The following NCOA1 variants were observed in gnomAD, a reference collection of about 807,000 sequenced individuals.
NCOA1 encodes Hin-2 protein.
Under a neutral mutation model 150.9 loss-of-function variants are expected in NCOA1, and 35 were observed. The ratio of observed to expected loss-of-function variants is 0.23; its 90% CI spans 0.18 to 0.31. The LOEUF (loss-of-function observed/expected upper bound fraction) is 0.31, where lower values mean the gene tolerates loss of function less well. Ranked by LOEUF, NCOA1 falls within the 10% of genes least tolerant of loss-of-function variation. The probability of loss-of-function intolerance (pLI) is 1.00; values close to 1 mark genes in which losing one functional copy is unlikely to be tolerated. For synonymous variants in NCOA1, 590 were observed against 630.0 expected, an observed-to-expected ratio of 0.94 and a Z score of 0.95; for missense variants, 1,491 against 1,749.3, an observed-to-expected ratio of 0.85 and a Z score of 2.63.
chr2:24,602,229 C>G (rs576838256), intron 3 of NCOA1, among the ~76,000 whole-genome samples: 42 of 152,210 alleles, frequency 2.8e-4, no homozygotes, highest in Non-Finnish European at 4.4e-5. Context: ...AAGGCAGGGT[C>G]TCAGTTTGTC....
intron 1 of NCOA1, among the ~76,000 whole-genome samples, chr2:24,548,393 A>G (rs1013816932): frequency 1.3e-5 from 2 of 152,240 alleles, no homozygotes; most frequent in African/African-American, 4.8e-5. Flanking sequence ...CTTTCCCACA[A>G]CGTGGGAATT....
chr2:24,519,652 C>CAAAAAAAAAAAAA (rs1014874055), intron 1 of NCOA1, among the ~76,000 whole-genome samples: 1 of 72,308 alleles, frequency 1.4e-5, no homozygotes, highest in Non-Finnish European at 2.7e-5. Context: ...CCTGTCTCTA[C>CAAAAAAAAAAAAA]AAAAAAAAAA....
intron 21 of NCOA1, 50 bp from the exon 22 acceptor site, chr2:24,762,637 T>C: frequency 6.5e-7 from 1 of 1,535,686 alleles, no homozygotes; most frequent in Non-Finnish European, 9.0e-7. Flanking sequence ...AATTTGGTTT[T>C]CAGTTTAAAC....
chr2:24,706,889 T>C lies in NCOA1; in HGVS notation c.1419T>C (p.Asn473=), dbSNP rs199675376. 2.1e-5 allele frequency: 34 copies of C among 1,614,138 alleles called. No individual in the cohort carries two copies. In the Admixed American group the frequency reaches 3.0e-4, roughly 14 times the overall value. Residue 473 remains asparagine (N), a synonymous_variant, in exon 13 of 23, where the codon AAT becomes AAC. Coordinates refer to ENST00000348332, the MANE Select transcript of NCOA1 (RefSeq NM_003743.5). ...GTAATCCCTCTTTAAACCTCAATAATTCTCCTATGGAAGGTACAGGAATAT... is the reference window on the plus strand; with the variant it reads ...GTAATCCCTCTTTAAACCTCAATAACTCTCCTATGGAAGGTACAGGAATAT... The part of the protein sequence containing the change: ...QSSNPSLNLN[N]SPMEGTGISL...
Position 24,768,322 on chromosome 2 carries a change from G to GC in NCOA1, c.4260dup (p.Thr1421HisfsTer21), listed in dbSNP as rs1197432225. On this transcript the variant is annotated frameshift_variant, in exon 23 of 23. Transcript: ENST00000348332. LOFTEE classifies it high-confidence loss of function. ...AGCCTGGTCCACTGGGAACTCAAAA[G>GC]CCCACGTCAGGACCACAGACCCCCC... 1 of 1,613,854 alleles carries GC rather than the reference G, an allele frequency of 6.2e-7. No homozygotes were observed. Among genetic ancestry groups the GC allele is most frequent in the Non-Finnish European group, 8.5e-7 (1 of 1,179,960 alleles).
chr2:24,642,377 C>T (rs1220122705), intron 3 of NCOA1, among the ~76,000 whole-genome samples: 1 of 150,742 alleles, frequency 6.6e-6, no homozygotes, highest in Admixed American at 6.6e-5. Context: ...GCTACTTTCA[C>T]ATCTTTGTTA....
At chr2:24,697,919 GT>G in intron 11 of NCOA1, 121 bp downstream of exon 11, 2 of 1,141,550 alleles carry the variant, frequency 1.8e-6, no homozygotes, top group Non-Finnish European at 2.4e-6. Context: ...GCAATAATCA[GT>G]TTTAGGAAAG....
At chr2:24,757,852 G>A in intron 20 of NCOA1, 121 bp from the exon 21 acceptor site, 2 of 812,574 alleles carry the variant, frequency 2.5e-6, no homozygotes, top group South Asian at 2.0e-5. Context: ...TATATTTTAA[G>A]AAGTTACAGT....
intron 14 of NCOA1, among the ~76,000 whole-genome samples, chr2:24,718,520 A>C (rs536426551): frequency 3.4e-4 from 52 of 152,122 alleles, no homozygotes; most frequent in Non-Finnish European, 7.6e-4. Flanking sequence ...ACAAATATCC[A>C]TACAGTTTTA....
At chr2:24,550,996 G>A (rs1348500038) in intron 1 of NCOA1, among the ~76,000 whole-genome samples, 1 of 151,928 alleles carries the variant, frequency 6.6e-6, no homozygotes, top group Admixed American at 6.6e-5. Context: ...TTGGGAGGCT[G>A]AGGAAGGAGA....
intron 3 of NCOA1, among the ~76,000 whole-genome samples, chr2:24,596,011 T>G (rs1172054020): frequency 6.6e-6 from 1 of 152,170 alleles, no homozygotes; most frequent in Non-Finnish European, 1.5e-5. Context: ...TCATGAGATT[T>G]CAGACTATAA....
intron 3 of NCOA1, 62 bp downstream of exon 3, chr2:24,584,622 T>C (rs1667324869): frequency 6.6e-6 from 1 of 152,254 alleles, no homozygotes; most frequent in South Asian, 2.1e-4. Context: ...AATTTGGGCC[T>C]ATAGTGTGTC....
intron 2 of NCOA1, among the ~76,000 whole-genome samples, chr2:24,574,613 C>T (rs1045383728): frequency 6.6e-6 from 1 of 152,052 alleles, no homozygotes; most frequent in Non-Finnish European, 1.5e-5. Flanking sequence ...CTGGCACTCT[C>T]CTTTGTGTAG....
intron 3 of NCOA1, among the ~76,000 whole-genome samples, chr2:24,591,407 A>G (rs1572459749): frequency 6.6e-6 from 1 of 152,300 alleles, no homozygotes; most frequent in South Asian, 2.1e-4. Flanking sequence ...CAAACTAGGA[A>G]AAAATTGTAT....
intron 3 of NCOA1, among the ~76,000 whole-genome samples, chr2:24,630,549 A>G (rs1408316781): frequency 6.6e-6 from 1 of 152,186 alleles, no homozygotes; most frequent in Non-Finnish European, 1.5e-5. Context: ...TTACTGGTCC[A>G]CTGGTGGAAT....
intron 14 of NCOA1, among the ~76,000 whole-genome samples, chr2:24,716,900 G>A (rs1212116522): frequency 6.6e-6 from 1 of 152,048 alleles, no homozygotes; most frequent in Non-Finnish European, 1.5e-5. Context: ...AACTCATATT[G>A]TAAAACACAT....
At chr2:24,710,438 G>A (rs138792474) in intron 13 of NCOA1, among the ~76,000 whole-genome samples, 47 of 152,080 alleles carry the variant, frequency 3.1e-4, no homozygotes, top group African/African-American at 1.1e-3. Flanking sequence ...TCCTTAAGTG[G>A]GAAGTAACCA....
chr2:24,578,273 A>C (rs1667067005), intron 2 of NCOA1, among the ~76,000 whole-genome samples: 1 of 152,156 alleles, frequency 6.6e-6, no homozygotes, highest in African/African-American at 2.4e-5. Flanking sequence ...AGGAAAGTTC[A>C]TGTAGAGCCT....
Position 24,658,647 on chromosome 2 carries a change from T to G in NCOA1, c.-17-14T>G. Reference sequence around the variant, plus strand: ...CATAAGGGTAGATTTCTTACTGTTGTCCTTCCTGTTTAGGTGTGAAGTTTT... The same window carrying G: ...CATAAGGGTAGATTTCTTACTGTTGGCCTTCCTGTTTAGGTGTGAAGTTTT... On this transcript the variant is annotated splice_polypyrimidine_tract_variant and intron_variant, in intron 4 of 22. Coordinates refer to ENST00000348332, the MANE Select transcript of NCOA1 (RefSeq NM_003743.5). The G allele has an allele frequency of 6.3e-7, 1 of 1,590,418 alleles. No homozygotes were observed. The highest frequency in any genetic ancestry group is 8.6e-7 in the Non-Finnish European group (1 of 1,158,328).
Sources: gnomAD v4.1 joint callset for allele counts (sites outside exome capture counted in the v4.1 genomes callset) on GRCh38, gnomAD v4.1.1 for gene constraint, MANE v1.5 for transcripts, NCBI Gene and HGNC (gene_info 2026-07-23, HGNC 2026-07-21) for gene names.